ARHGEF18: variants seen among roughly 807,000 people sequenced by gnomAD.
ARHGEF18 encodes Rho/Rac guanine nucleotide exchange factor 18.
A neutral mutation model predicts 155.7 loss-of-function variants in ARHGEF18; 93 were observed. The ratio of observed to expected loss-of-function variants is 0.60; its 90% CI spans 0.50 to 0.71. The LOEUF (loss-of-function observed/expected upper bound fraction) is 0.71. Among genes scored for constraint, ARHGEF18 ranks in the 30% least tolerant of loss-of-function variants. The pLI is 0.00. For missense variants in ARHGEF18, 1,593 were observed against 1,816.1 expected (o/e 0.88, Z 2.23); for synonymous variants, 742 against 753.1 (o/e 0.99, Z 0.24).
intron 2 of ARHGEF18, among the ~76,000 whole-genome samples, chr19:7,368,020 CGGAAGGAA>C (rs374690580): frequency 5.3e-5 from 5 of 95,180 alleles, no homozygotes; most frequent in Admixed American, 2.3e-4. Context: ...GGAGGGAGGG[CGGAAGGAA>C]GGAAGGAAGG....
Position 7,463,433 on chromosome 19 carries a change from ACAAT to A in ARHGEF18, c.2636-382_2636-379del, listed in dbSNP as rs1389373586. Among the ~76,000 whole-genome samples, 1 of 152,166 alleles carries A rather than the reference ACAAT, an allele frequency of 6.6e-6. No homozygotes were observed. The highest frequency in any genetic ancestry group is 2.4e-5 in the African/African-American group (1 of 41,448). On this transcript the variant is annotated intron_variant, in intron 21 of 28. Coordinates refer to ENST00000668164, the MANE Select transcript of ARHGEF18 (RefSeq NM_001367823.1). This position sits in a 1 kb window ranked among gnomAD's most constrained non-coding sequence, Gnocchi z 5.2. Reference sequence around the variant, plus strand: ...CACTCTCCCATATGGCCATTGTCACACAATCAGTGTATGGTCATTGTCATATAAC... The same window carrying A: ...CACTCTCCCATATGGCCATTGTCACACAGTGTATGGTCATTGTCATATAAC...
At chr19:7,390,256 C>T (rs1024687380) in intron 10 of ARHGEF18, among the ~76,000 whole-genome samples, 2 of 151,988 alleles carry the variant, frequency 1.3e-5, no homozygotes, top group Admixed American at 6.6e-5. Flanking sequence ...CCTGTAATCC[C>T]AGCACTTTGG....
chr19:7,436,696 C>T (rs955791240), intron 10 of ARHGEF18, among the ~76,000 whole-genome samples: 3 of 152,156 alleles, frequency 2.0e-5, no homozygotes, highest in Non-Finnish European at 4.4e-5. Context: ...CAGGATGCTG[C>T]TGGGCAAAGG....
intron 27 of ARHGEF18, among the ~76,000 whole-genome samples, chr19:7,469,442 C>G (rs565639668): frequency 2.6e-5 from 4 of 152,168 alleles, no homozygotes; most frequent in African/African-American, 9.6e-5. Context: ...TCAGCACAGC[C>G]GGGACAGGGA....
chr19:7,475,504 A>G, downstream of ARHGEF18, among the ~76,000 whole-genome samples: 1 of 151,526 alleles, frequency 6.6e-6, no homozygotes, highest in Middle Eastern at 3.4e-3. Context: ...TATGTGAATT[A>G]TATTTCCATA....
chr19:7,384,026 C>T (rs1970871210), intron 10 of ARHGEF18, among the ~76,000 whole-genome samples: 2 of 152,090 alleles, frequency 1.3e-5, no homozygotes, highest in East Asian at 1.9e-4. Context: ...ATAAGCTCCA[C>T]GTTGGAGGGA....
rs1400715134 is a variant in ARHGEF18 at position 7,470,078 on chromosome 19, G to A, written c.3914-48G>A. The A allele has an allele frequency of 6.2e-7, 1 of 1,611,488 alleles. No individual in the cohort carries two copies. On this transcript the variant is annotated intron_variant, in intron 28 of 28. Transcript: ENST00000668164. This position sits in a 1 kb window ranked among gnomAD's most constrained non-coding sequence, Gnocchi z 5.9. The stretch of plus-strand genomic sequence containing the variant: ...AGCCCAGTCCCAGGGCAGCGGGGCT[G>A]CGGCACCACCCGGCGACTGCTCAGT...
intron 15 of ARHGEF18, among the ~76,000 whole-genome samples, chr19:7,450,279 TG>T (rs1310259197): frequency 9.2e-4 from 2 of 2,170 alleles, no homozygotes; most frequent in Non-Finnish European, 1.5e-3. Context: ...GATGTTAATA[TG>T]GGATCTTGCT....
intron 1 of ARHGEF18, among the ~76,000 whole-genome samples, chr19:7,359,638 A>G (rs1969463407): frequency 6.6e-6 from 1 of 152,162 alleles, no homozygotes; most frequent in African/African-American, 2.4e-5. Flanking sequence ...TGATACAAGA[A>G]TGAATGCTCA....
intron 10 of ARHGEF18, among the ~76,000 whole-genome samples, chr19:7,416,854 C>T (rs1973057587): frequency 1.3e-5 from 2 of 152,042 alleles, no homozygotes; most frequent in Admixed American, 1.3e-4. Context: ...CCGCTCGCCT[C>T]AGCCTCCCAA....
the ARHGEF18 span, among the ~76,000 whole-genome samples, chr19:7,478,637 A>G: frequency 6.6e-6 from 1 of 152,130 alleles, no homozygotes; most frequent in Non-Finnish European, 1.5e-5. Context: ...AGCCTCTGCA[A>G]ACCACTGGCA....
intron 17 of ARHGEF18, among the ~76,000 whole-genome samples, chr19:7,456,042 G>A (rs372591219): frequency 2.4e-4 from 37 of 152,356 alleles, no homozygotes; most frequent in African/African-American, 4.8e-4. Flanking sequence ...TGTTGTTACA[G>A]CAAAGAGAAT....
In ARHGEF18 at chr19:7,453,723, C is replaced by T. The variant is rs754061136; in HGVS notation, c.2104+8C>T. 2 of 1,534,548 alleles carry T rather than the reference C, an allele frequency of 1.3e-6. No homozygotes were observed. The highest frequency in any genetic ancestry group is 1.8e-4 in the Middle Eastern group (1 of 5,540). On this transcript the variant is annotated splice_region_variant and intron_variant, in intron 17 of 28. Coordinates refer to ENST00000668164, the MANE Select transcript of ARHGEF18 (RefSeq NM_001367823.1). ...CATCAGGGCGCTTGAAAGGTAAAGG[C>T]CTGCCCCTGCCCACCTCTAGTGGGT...
At position 7,458,682 on chromosome 19, in the gene ARHGEF18, T is replaced by C; in HGVS notation, c.2352T>C (p.Ala784=). 1.2e-6 allele frequency: 2 copies of C among 1,611,664 alleles called. No homozygotes were observed. Among genetic ancestry groups the C allele is most frequent in the Non-Finnish European group, 1.7e-6 (2 of 1,178,434 alleles). The part of the protein sequence containing the change: ...RNAWMAHIQR[A]VESCPDEEEG... Reference sequence around the variant, plus strand: ...CCTGGATGGCCCACATCCAAAGGGCTGTGGAGAGGTGAGGAGGGCCTGGGG... The same window carrying C: ...CCTGGATGGCCCACATCCAAAGGGCCGTGGAGAGGTGAGGAGGGCCTGGGG... The change falls in exon 19 of 29, where the codon GCT becomes GCC. Residue 784 remains alanine, a synonymous_variant. Coordinates refer to ENST00000668164, the MANE Select transcript of ARHGEF18 (RefSeq NM_001367823.1).
chr19:7,350,896 C>T (rs527730801), intron 1 of ARHGEF18, among the ~76,000 whole-genome samples: 7 of 151,960 alleles, frequency 4.6e-5, no homozygotes, highest in South Asian at 2.1e-4. Flanking sequence ...CTCCGCCTCT[C>T]GGGTTTAAGC....
At chr19:7,373,212 T>C in intron 3 of ARHGEF18, 141 bp downstream of exon 3, 1 of 1,068,266 alleles carries the variant, frequency 9.4e-7, no homozygotes, top group Non-Finnish European at 1.2e-6. Flanking sequence ...AGGGACCAGT[T>C]TCATGGAAGA....
the ARHGEF18 span, among the ~76,000 whole-genome samples, chr19:7,478,752 G>A: frequency 2.0e-5 from 3 of 152,350 alleles, no homozygotes; most frequent in East Asian, 1.9e-4. Flanking sequence ...GCGTGGGGAC[G>A]CCGTTTCCCC....
At chr19:7,376,489 C>T (rs1199062650) in intron 4 of ARHGEF18, among the ~76,000 whole-genome samples, 154 bp from the exon 5 acceptor site, 1 of 152,034 alleles carries the variant, frequency 6.6e-6, no homozygotes, top group East Asian at 1.9e-4. Context: ...TGTCTTATGG[C>T]TGGGGGGAGT....
intron 10 of ARHGEF18, among the ~76,000 whole-genome samples, chr19:7,433,373 A>G (rs1974073651): frequency 6.6e-6 from 1 of 151,862 alleles, no homozygotes; most frequent in African/African-American, 2.4e-5. Flanking sequence ...AGGCTGAGGC[A>G]GGAGAATCAC....
Sources: allele counts gnomAD v4.1 joint callset (sites outside exome capture counted in the v4.1 genomes callset), GRCh38; gene constraint gnomAD v4.1.1; non-coding constraint Gnocchi (gnomAD v3.1); transcripts MANE v1.5; gene names NCBI Gene and HGNC (gene_info 2026-07-23, HGNC 2026-07-21).